The following ATP8B4 variants were observed in gnomAD, a reference collection of about 807,000 sequenced individuals.
ATP8B4 encodes the protein probable phospholipid-transporting ATPase IM.
ATP8B4 carries 133 observed loss-of-function variants against 145.6 expected under a neutral mutation model. That is an observed-to-expected ratio of 0.91 (90% confidence interval 0.79 to 1.05). The LOEUF is 1.05. Among genes scored for constraint, ATP8B4 ranks in the 50% least tolerant of loss-of-function variants. The probability of loss-of-function intolerance (pLI) is 0.00; values close to 1 mark genes in which losing one functional copy is unlikely to be tolerated. For synonymous variants in ATP8B4, 507 were observed against 492.9 expected, an observed-to-expected ratio of 1.03 and a Z score of -0.38; for missense variants, 1,458 against 1,425.2, an observed-to-expected ratio of 1.02 and a Z score of -0.37.
At chr15:49,999,907 TG>T (rs912568671) in intron 8 of ATP8B4, among the ~76,000 whole-genome samples, 1 of 152,190 alleles carries the variant, frequency 6.6e-6, no homozygotes, top group African/African-American at 2.4e-5. Context: ...TCCATGATTT[TG>T]CCTTTTCAAA....
intron 12 of ATP8B4, among the ~76,000 whole-genome samples, chr15:49,976,482 C>T (rs994973419): frequency 3.1e-4 from 47 of 152,036 alleles, no homozygotes; most frequent in African/African-American, 1.1e-3. Context: ...AAGGTCACAT[C>T]AATAATTAGC....
At chr15:49,861,907 G>A (rs968089390) in intron 27 of ATP8B4, among the ~76,000 whole-genome samples, 20 of 152,292 alleles carry the variant, frequency 1.3e-4, no homozygotes, top group African/African-American at 3.4e-4. Flanking sequence ...CCTCAAATCA[G>A]TATCTTTTCC....
intron 1 of ATP8B4, among the ~76,000 whole-genome samples, chr15:50,112,206 G>C (rs2056979669): frequency 6.6e-6 from 1 of 152,150 alleles, no homozygotes; most frequent in African/African-American, 2.4e-5. Context: ...GAAGGAGCCA[G>C]GGCAGTTGAG....
chr15:50,176,016 G>GTA (rs1336429477), intron 1 of ATP8B4, among the ~76,000 whole-genome samples: 3 of 150,740 alleles, frequency 2.0e-5, no homozygotes, highest in African/African-American at 4.9e-5. Flanking sequence ...ATGTATCGCA[G>GTA]TATATATATA....
rs768945451 is a variant in ATP8B4 at position 49,860,149 on chromosome 15, CACCTGAAGTGA to C, written c.*34_*44del. The C allele has an allele frequency of 1.9e-6, 3 of 1,552,150 alleles. No homozygotes were observed. In the South Asian group the frequency reaches 3.8e-5, roughly 20 times the overall value. ...TCTGGAGCCAGCAGAATTTCAGCTC[CACCTGAAGTGA>C]AAAGATAACTACGTGGTTTAAATTC... On this transcript the variant is annotated 3_prime_UTR_variant, in exon 28 of 28. Coordinates refer to ENST00000284509, the MANE Select transcript of ATP8B4 (RefSeq NM_024837.4).
At chr15:49,949,568 G>A (rs2042882638) in intron 14 of ATP8B4, among the ~76,000 whole-genome samples, 1 of 152,096 alleles carries the variant, frequency 6.6e-6, no homozygotes, top group African/African-American at 2.4e-5. Flanking sequence ...AAGTTTTTGT[G>A]CTGAGACGAT....
At chr15:49,995,862 A>G (rs1599697987) in intron 9 of ATP8B4, among the ~76,000 whole-genome samples, 1 of 152,174 alleles carries the variant, frequency 6.6e-6, no homozygotes, top group East Asian at 1.9e-4. Flanking sequence ...GGGAGACTCC[A>G]GAGATTCTCT....
At chr15:49,876,926 G>T (rs1245730531) in intron 24 of ATP8B4, among the ~76,000 whole-genome samples, 1 of 152,192 alleles carries the variant, frequency 6.6e-6, no homozygotes, top group Non-Finnish European at 1.5e-5. Context: ...AATTGTCAAG[G>T]TAGTGAGTGG....
rs756346367 is a variant in ATP8B4, at chr15:50,021,243, T to C, written c.363-10326A>G. Among the ~76,000 whole-genome samples the C allele has an allele frequency of 3.9e-5, 6 of 152,130 alleles. 1 individual carries two copies. The highest frequency in any genetic ancestry group is 1.2e-4 in the African/African-American group (5 of 41,422). Reference sequence around the variant, plus strand: ...CATCATCATCATACCTGGACAAGAGTAGAAAACAAAATTTGTCACCGTCAT... The same window carrying C: ...CATCATCATCATACCTGGACAAGAGCAGAAAACAAAATTTGTCACCGTCAT... On this transcript the variant is annotated intron_variant, in intron 6 of 27. Transcript: ENST00000284509.
chr15:50,006,765 T>C (rs1313838142), intron 7 of ATP8B4, among the ~76,000 whole-genome samples: 1 of 152,168 alleles, frequency 6.6e-6, no homozygotes, highest in Non-Finnish European at 1.5e-5. Flanking sequence ...GCTAAACAAC[T>C]CAATTCTAGT....
At position 49,918,820 on chromosome 15, in the gene ATP8B4, A is replaced by G. The variant is rs1252169856; in HGVS notation, c.2035+19T>C. 2 of 1,545,968 alleles carry G rather than the reference A, an allele frequency of 1.3e-6. No individual in the cohort carries two copies. The highest frequency in any genetic ancestry group is 1.7e-5 in the Admixed American group (1 of 57,924). ...TCTCCCCATTTTCAAAATATCATCAACATCCATTTTCAAGTTACCTTGTTT... is the reference window on the plus strand; with the variant it reads ...TCTCCCCATTTTCAAAATATCATCAGCATCCATTTTCAAGTTACCTTGTTT... On this transcript the variant is annotated intron_variant, in intron 19 of 27. Coordinates refer to ENST00000284509, the MANE Select transcript of ATP8B4 (RefSeq NM_024837.4).
chr15:50,150,428 A>C (rs966294294), intron 1 of ATP8B4, among the ~76,000 whole-genome samples: 2 of 152,164 alleles, frequency 1.3e-5, no homozygotes, highest in Non-Finnish European at 2.9e-5. Context: ...CCTTTTCATC[A>C]AGATCTTTCT....
At chr15:49,988,211 CA>C (rs1271597816) in intron 9 of ATP8B4, among the ~76,000 whole-genome samples, 2 of 152,142 alleles carry the variant, frequency 1.3e-5, no homozygotes, top group African/African-American at 2.4e-5. Flanking sequence ...AATTCCAAAC[CA>C]AGGGCATGCC....
chr15:50,140,632 G>A (rs1055414291), intron 1 of ATP8B4, among the ~76,000 whole-genome samples: 1 of 145,852 alleles, frequency 6.9e-6, no homozygotes, highest in Non-Finnish European at 1.5e-5. Flanking sequence ...AGTTTCATTT[G>A]TTCTAATTCC....
chr15:49,889,461 G>A (rs2036562665), intron 23 of ATP8B4, among the ~76,000 whole-genome samples: 2 of 152,170 alleles, frequency 1.3e-5, no homozygotes, highest in Non-Finnish European at 2.9e-5. Context: ...TACATCTCAA[G>A]CCAATCACAA....
At chr15:49,931,016 C>T (rs1171586417) in intron 16 of ATP8B4, 103 bp downstream of exon 16, 23 of 1,292,970 alleles carry the variant, frequency 1.8e-5, no homozygotes, top group African/African-American at 3.0e-5. Context: ...AGTTTCAAAA[C>T]TATCACAACC....
At chr15:49,901,762 CAAG>C (rs2038064045) in intron 20 of ATP8B4, 1 of 399,724 alleles carries the variant, frequency 2.5e-6, no homozygotes, top group Non-Finnish European at 4.8e-6. Flanking sequence ...AAAAATTTAA[CAAG>C]AAGAAAAATG....
intron 17 of ATP8B4, among the ~76,000 whole-genome samples, chr15:49,920,671 G>A (rs1258257020): frequency 2.0e-5 from 3 of 152,186 alleles, no homozygotes; most frequent in Non-Finnish European, 4.4e-5. Flanking sequence ...CTGCTGAAGT[G>A]TCCTAGTTGA....
intron 13 of ATP8B4, among the ~76,000 whole-genome samples, chr15:49,962,363 T>C (rs2044159671): frequency 6.6e-6 from 1 of 152,242 alleles, no homozygotes; most frequent in Admixed American, 6.5e-5. Flanking sequence ...ATTCCCACTG[T>C]TGAGAAATCC....
Sources: allele counts gnomAD v4.1 joint callset (sites outside exome capture counted in the v4.1 genomes callset), GRCh38; gene constraint gnomAD v4.1.1; transcripts MANE v1.5; gene names NCBI Gene and HGNC (gene_info 2026-07-23, HGNC 2026-07-21).